Variants in MAGI3 observed in about 807,000 individuals in gnomAD.
MAGI3 encodes membrane-associated guanylate kinase, WW and PDZ domain-containing protein 3.
Under a neutral mutation model 121.8 loss-of-function variants are expected in MAGI3, and 43 were observed. The ratio of observed to expected loss-of-function variants is 0.35; its 90% CI spans 0.28 to 0.46. The LOEUF (loss-of-function observed/expected upper bound fraction) is 0.46. Among genes scored for constraint, MAGI3 ranks in the 20% least tolerant of loss-of-function variants. The pLI is 1.00. For missense variants in MAGI3, 1,547 were observed against 1,797.3 expected, an observed-to-expected ratio of 0.86 and a Z score of 2.52; for synonymous variants, 553 against 639.3, an observed-to-expected ratio of 0.86 and a Z score of 2.04.
chr1:113,533,373 A>G (rs34495411), intron 1 of MAGI3, among the ~76,000 whole-genome samples: 64 of 152,314 alleles, frequency 4.2e-4, no homozygotes, highest in Non-Finnish European at 8.5e-4. Context: ...TATAAATGGT[A>G]GCTAAACATT....
chr1:113,537,494 G>C (rs766882281), intron 1 of MAGI3, among the ~76,000 whole-genome samples: 3 of 152,196 alleles, frequency 2.0e-5, no homozygotes, highest in Admixed American at 6.5e-5. Flanking sequence ...AATGGCCAAT[G>C]AGTTTGGCCA....
At chr1:113,547,747 T>A (rs1345941010) in intron 1 of MAGI3, among the ~76,000 whole-genome samples, 1 of 152,198 alleles carries the variant, frequency 6.6e-6, no homozygotes, top group Non-Finnish European at 1.5e-5. Context: ...ATTATACATT[T>A]AAAAAATGAA....
rs1426056236 is a variant in MAGI3 at position 113,642,014 on chromosome 1, C to T, written c.1464C>T (p.Leu488=). ...QLVPVNQYVN[L]TLCRGYPLPD... ...TACCTGTCAATCAGTATGTAAACCTCACTTTATGTCGTGGTTATCCACTTC... is the reference window on the plus strand; with the variant it reads ...TACCTGTCAATCAGTATGTAAACCTTACTTTATGTCGTGGTTATCCACTTC... The change falls in exon 10 of 21, where the codon CTC becomes CTT. Residue 488 remains leucine (L), a synonymous_variant. Transcript: ENST00000307546. The T allele has an allele frequency of 3.1e-6, 5 of 1,614,158 alleles. No individual in the cohort carries two copies. The highest frequency in any genetic ancestry group is 4.5e-5 in the East Asian group (2 of 44,886).
intron 1 of MAGI3, among the ~76,000 whole-genome samples, chr1:113,545,328 T>C (rs1659485554): frequency 8.8e-6 from 1 of 113,948 alleles, no homozygotes; most frequent in Non-Finnish European, 2.0e-5. Flanking sequence ...AATGACCTCA[T>C]TTTTTTTTTG....
At chr1:113,536,803 G>T (rs1272340856) in intron 1 of MAGI3, among the ~76,000 whole-genome samples, 1 of 151,914 alleles carries the variant, frequency 6.6e-6, no homozygotes. Flanking sequence ...CTCTTCTAAG[G>T]ATAGTTTTTG....
intron 1 of MAGI3, among the ~76,000 whole-genome samples, chr1:113,445,995 T>A (rs938891516): frequency 3.9e-5 from 6 of 152,242 alleles, no homozygotes; most frequent in Admixed American, 6.5e-5. Context: ...TGGGTAATTA[T>A]GAAAGCAAGT....
At chr1:113,471,483 G>A (rs10157946) in intron 1 of MAGI3, among the ~76,000 whole-genome samples, 83,111 of 151,972 alleles carry the variant, frequency 0.55, 24,076 homozygotes, top group African/African-American at 0.73. Context: ...TAAAAGGGAA[G>A]TTCATAGCAG....
At chr1:113,607,832 A>G (rs1649878452) in intron 6 of MAGI3, among the ~76,000 whole-genome samples, 2 of 152,170 alleles carry the variant, frequency 1.3e-5, no homozygotes, top group South Asian at 4.1e-4. Flanking sequence ...CTCCTTGGTT[A>G]AGTATTAAAG....
At chr1:113,440,502 G>T (rs1653858228) in intron 1 of MAGI3, among the ~76,000 whole-genome samples, 1 of 152,158 alleles carries the variant, frequency 6.6e-6, no homozygotes, top group Non-Finnish European at 1.5e-5. Context: ...ACCCTTTCCA[G>T]ATGTTTCCTT....
At chr1:113,636,066 G>A (rs1217296610) in intron 9 of MAGI3, among the ~76,000 whole-genome samples, 2 of 151,984 alleles carry the variant, frequency 1.3e-5, no homozygotes, top group East Asian at 3.8e-4. Flanking sequence ...TGGGATCGGT[G>A]GTGATATCCC....
intron 12 of MAGI3, among the ~76,000 whole-genome samples, chr1:113,649,025 G>A (rs3789595): frequency 0.22 from 33,223 of 152,110 alleles, 4,493 homozygotes; most frequent in South Asian, 0.39. Flanking sequence ...TTTCTAAACA[G>A]TCTTCATACA....
At chr1:113,557,435 G>T (rs74503405) in intron 2 of MAGI3, among the ~76,000 whole-genome samples, 2,414 of 152,320 alleles carry the variant, frequency 0.016, 29 homozygotes, top group Non-Finnish European at 0.022. Flanking sequence ...CAGCTGTTTT[G>T]TTGAGGTGTG....
Position 113,673,352 on chromosome 1 carries a change from A to G in MAGI3, c.3076A>G (p.Arg1026Gly). ...NLGCYPVELE[R>G]GPRGFGFSLR... The stretch of plus-strand genomic sequence containing the variant: ...TGGTTGTTATCCAGTAGAGCTGGAG[A>G]GAGGCCCCCGGGGCTTTGGATTCAG... Residue 1026 changes from arginine to glycine, a missense_variant, in exon 19 of 21, where the codon AGA becomes GGA. Coordinates refer to ENST00000307546, the MANE Select transcript of MAGI3 (RefSeq NM_001142782.2). 1 of 1,611,532 alleles carries G rather than the reference A, an allele frequency of 6.2e-7. No homozygotes were observed. The highest frequency in any genetic ancestry group is 8.5e-7 in the Non-Finnish European group (1 of 1,179,572).
chr1:113,623,297 C>T (rs1307865457), intron 9 of MAGI3, among the ~76,000 whole-genome samples: 1 of 151,636 alleles, frequency 6.6e-6, no homozygotes, highest in Non-Finnish European at 1.5e-5. Context: ...TTATAAACAA[C>T]CCGTTTATAC....
intron 1 of MAGI3, among the ~76,000 whole-genome samples, chr1:113,415,569 T>G (rs1652257072): frequency 6.6e-6 from 1 of 152,018 alleles, no homozygotes; most frequent in African/African-American, 2.4e-5. Flanking sequence ...ATATGATTCT[T>G]GAGCATCACT....
intron 6 of MAGI3, among the ~76,000 whole-genome samples, chr1:113,607,634 A>G (rs1649859287): frequency 6.6e-6 from 1 of 152,142 alleles, no homozygotes; most frequent in Admixed American, 6.6e-5. Flanking sequence ...CTCCTTTAAA[A>G]ACATCTATTT....
intron 1 of MAGI3, among the ~76,000 whole-genome samples, chr1:113,416,588 A>G (rs965471817): frequency 2.0e-5 from 3 of 148,160 alleles, no homozygotes; most frequent in South Asian, 2.1e-4. Flanking sequence ...GGAAGAGTCA[A>G]ATTTCCCAGG....
chr1:113,603,091 T>G (rs1649507560), intron 6 of MAGI3, among the ~76,000 whole-genome samples: 1 of 151,312 alleles, frequency 6.6e-6, no homozygotes, highest in Non-Finnish European at 1.5e-5. Flanking sequence ...AAAATTCAAA[T>G]AAGCCCAATT....
intron 1 of MAGI3, among the ~76,000 whole-genome samples, chr1:113,420,724 T>G (rs1405007937): frequency 6.6e-6 from 1 of 152,232 alleles, no homozygotes; most frequent in Non-Finnish European, 1.5e-5. Context: ...GTGTTGAATA[T>G]TTCATGGTTT....
Sources: allele counts gnomAD v4.1 joint callset (sites outside exome capture counted in the v4.1 genomes callset), GRCh38; gene constraint gnomAD v4.1.1; transcripts MANE v1.5; gene names NCBI Gene and HGNC (gene_info 2026-07-23, HGNC 2026-07-21).